TRIM29: variants seen among roughly 807,000 people sequenced by gnomAD.
The protein encoded by TRIM29 is tripartite motif containing 29.
A neutral mutation model predicts 57.3 loss-of-function variants in TRIM29; 52 were observed. The observed-to-expected ratio is 0.91, with a 90% CI of 0.73 to 1.14. TRIM29 has a LOEUF of 1.14. TRIM29 is among the 50% of genes most tolerant of loss of function. TRIM29 has a pLI of 0.00. For synonymous variants in TRIM29, 319 were observed against 316.9 expected, an observed-to-expected ratio of 1.01 and a Z score of -0.07; for missense variants, 753 against 774.6, an observed-to-expected ratio of 0.97 and a Z score of 0.33.
Position 120,127,451 on chromosome 11 carries a change from A to T in TRIM29, c.1019T>A (p.Val340Glu). 6.2e-7 allele frequency: 1 copy of T among 1,614,206 alleles called. No homozygotes were observed. Among genetic ancestry groups the T allele is most frequent in the Non-Finnish European group, 8.5e-7 (1 of 1,180,042 alleles). ...AALEQREQDAVDQVKVIMDAL... is the reference protein window; with the variant it reads ...AALEQREQDAEDQVKVIMDAL... ...ATCCATGATCACCTTCACTTGGTCCACAGCATCCTGCTCCCGCTGCTCCAG... is the reference window on the plus strand; with the variant it reads ...ATCCATGATCACCTTCACTTGGTCCTCAGCATCCTGCTCCCGCTGCTCCAG... Residue 340 changes from valine (V) to glutamate (E), a missense_variant, in exon 3 of 9, where the codon GTG becomes GAG. Physicochemically the swap from Val to Glu is moderately radical, Grantham distance 121. Transcript: ENST00000341846.
chr11:120,118,090 G>A lies in TRIM29; in HGVS notation c.1627+133C>T, dbSNP rs899051698. On this transcript the variant is annotated intron_variant, in intron 7 of 8. Transcript: ENST00000341846. ...AGCAAAGACCATGGCGGTAGCTCCC[G>A]GGCTCTCAGGCCAGGCCTCTCTCCT... The A allele has an allele frequency of 1.7e-5, 14 of 814,676 alleles. 1 individual carries two copies. The highest frequency in any genetic ancestry group is 1.4e-4 in the African/African-American group (8 of 58,590). 50.5% of individuals were successfully genotyped at this position (814,676 alleles called of 1,614,324 possible).
chr11:120,124,637 G>C (rs1390908092), intron 4 of TRIM29: 1 of 152,176 alleles, frequency 6.6e-6, no homozygotes. Flanking sequence ...ATCACCATTA[G>C]CATCATCACT....
In TRIM29 at chr11:120,136,145, A is replaced by T. The variant is rs1167346438; in HGVS notation, c.804+1083T>A. Among the ~76,000 whole-genome samples, 3 of 152,214 alleles carry T rather than the reference A, an allele frequency of 2.0e-5. No homozygotes were observed. The East Asian group carries it at 5.8e-4, about 29-fold the overall frequency. ...CAAACATCCACAAAGGCACAAAAAC[A>T]CCCACGTGCACATAAAATAAACACA... On this transcript the variant is annotated intron_variant, in intron 1 of 8. Coordinates refer to ENST00000341846, the MANE Select transcript of TRIM29 (RefSeq NM_012101.4).
At chr11:120,125,555 G>T in intron 4 of TRIM29, 136 bp downstream of exon 4, 1 of 904,398 alleles carries the variant, frequency 1.1e-6, no homozygotes, top group South Asian at 1.6e-5. Context: ...AGTCCAAACG[G>T]CCTGAGGAAG....
Position 120,112,074 on chromosome 11 carries a change from G to T in TRIM29, c.*340C>A. ...GGGAGAGGCAGGCTGATACCATGCG[G>T]GTACTCACTGCTAGCCCCCAGATCC... is the stretch of plus-strand genomic sequence containing the variant. On this transcript the variant is annotated 3_prime_UTR_variant, in exon 9 of 9. Coordinates refer to ENST00000341846, the MANE Select transcript of TRIM29 (RefSeq NM_012101.4). 3.0e-6 allele frequency: 1 copy of T among 328,906 alleles called. No individual in the cohort carries two copies. Among genetic ancestry groups the T allele is most frequent in the South Asian group, 2.7e-5 (1 of 37,332 alleles). The allele number at this position is 328,906 out of a possible 1,614,324, so 20.4% of individuals were successfully genotyped here. A position where few individuals can be genotyped will look rare whatever the true frequency, so the allele number is the denominator to read the frequency against.
intron 1 of TRIM29, among the ~76,000 whole-genome samples, chr11:120,134,555 C>T (rs1415099253): frequency 6.6e-6 from 1 of 152,196 alleles, no homozygotes; most frequent in African/African-American, 2.4e-5. Context: ...AGAGCCAGGC[C>T]GAGACAGCCC....
intron 7 of TRIM29, chr11:120,117,976 T>G: frequency 1.9e-6 from 1 of 532,496 alleles, no homozygotes; most frequent in Non-Finnish European, 3.4e-6. Flanking sequence ...AGAGCTGTTG[T>G]TGCAGCGTGT....
In TRIM29 at chr11:120,112,467, G is replaced by A. The variant is rs756192979; in HGVS notation, c.1714C>T (p.Arg572Trp). Reference sequence around the variant, plus strand: ...TTGCCTTTGTTGACGTAGAATGGCCGGTAGTGAGACTGTGGGGGAAACAAG... The same window carrying A: ...TTGCCTTTGTTGACGTAGAATGGCCAGTAGTGAGACTGTGGGGGAAACAAG... The part of the protein sequence containing the change: ...SGKQTMLSHY[R>W]PFYVNKGNGI... The change falls in exon 9 of 9, where the codon CGG becomes TGG. Residue 572 changes from arginine (R) to tryptophan (W), a missense_variant. By Grantham distance (101) the Arg-to-Trp change is moderately radical. Transcript: ENST00000341846. 28 of 1,613,386 alleles carry A rather than the reference G, an allele frequency of 1.7e-5. No individual in the cohort carries two copies. Among genetic ancestry groups the A allele is most frequent in the African/African-American group, 4.0e-5 (3 of 74,842 alleles).
rs776301841 is a variant in TRIM29, at chr11:120,125,820, C to G, written c.1204G>C (p.Gly402Arg). Reference protein sequence around the residue: ...PLPTYHVLLEGEGLGQSLGNF... With the variant: ...PLPTYHVLLEREGLGQSLGNF... ...CCTAGTGACTGTCCCAGGCCCTCCCCCTCCAGCAGGACATGATAGGTGGGC... is the reference window on the plus strand; with the variant it reads ...CCTAGTGACTGTCCCAGGCCCTCCCGCTCCAGCAGGACATGATAGGTGGGC... Residue 402 changes from glycine (G) to arginine (R), a missense_variant, in exon 4 of 9, where the codon GGG becomes CGG. Coordinates refer to ENST00000341846, the MANE Select transcript of TRIM29 (RefSeq NM_012101.4). 6 of 1,614,050 alleles carry G rather than the reference C, an allele frequency of 3.7e-6. No individual in the cohort carries two copies. The African/African-American group carries it at 4.0e-5, about 11-fold the overall frequency.
intron 7 of TRIM29, chr11:120,117,199 G>A: frequency 4.4e-6 from 1 of 229,288 alleles, no homozygotes; most frequent in South Asian, 4.9e-5. Context: ...GGCCAGGCTT[G>A]AGCAGAGAGC....
At chr11:120,131,290 T>C (rs1423208942) in intron 1 of TRIM29, among the ~76,000 whole-genome samples, 2 of 152,048 alleles carry the variant, frequency 1.3e-5, no homozygotes, top group Non-Finnish European at 1.5e-5. Context: ...CAGAATTCAA[T>C]GGGGATTAGA....
chr11:120,113,571 G>A (rs567496036), intron 8 of TRIM29: 6 of 454,964 alleles, frequency 1.3e-5, no homozygotes, highest in South Asian at 9.3e-5. Context: ...CTGTCTCTCA[G>A]GGAACTGACA....
intron 1 of TRIM29, among the ~76,000 whole-genome samples, chr11:120,132,626 G>A (rs546839526): frequency 6.6e-5 from 10 of 152,306 alleles, no homozygotes; most frequent in Non-Finnish European, 1.5e-4. Context: ...GCACCCACCC[G>A]GATAGGTGTA....
rs138429588 is a variant in TRIM29 at position 120,135,271 on chromosome 11, C to T, written c.804+1957G>A. Among the ~76,000 whole-genome samples the T allele has an allele frequency of 4.6e-4, 70 of 152,146 alleles. 1 individual carries two copies. Among genetic ancestry groups the T allele is most frequent in the Non-Finnish European group, 7.6e-4 (52 of 67,992 alleles). ...AGTCGAGGTGGGAACCTGAATGCTC[C>T]GCCTTCTTGACACTTCTTTACCCCC... is the stretch of plus-strand genomic sequence containing the variant. On this transcript the variant is annotated intron_variant, in intron 1 of 8. Coordinates refer to ENST00000341846, the MANE Select transcript of TRIM29 (RefSeq NM_012101.4).
At chr11:120,117,955 C>A in intron 7 of TRIM29, 3 of 500,084 alleles carry the variant, frequency 6.0e-6, no homozygotes, top group South Asian at 4.2e-5. Context: ...GTCCCCCGGT[C>A]CTGACCACTG....
intron 5 of TRIM29, chr11:120,121,658 C>A (rs1056571875): frequency 4.9e-6 from 1 of 203,076 alleles, no homozygotes; most frequent in East Asian, 1.1e-4. Context: ...GGTACTGAGG[C>A]CTGCCCAAGA....
chr11:120,122,387 C>T (rs1377117730), intron 5 of TRIM29, among the ~76,000 whole-genome samples: 1 of 152,164 alleles, frequency 6.6e-6, no homozygotes, highest in Non-Finnish European at 1.5e-5. Flanking sequence ...CAAGGACAGG[C>T]AGGCACTGGT....
At position 120,137,113 on chromosome 11, in the gene TRIM29, G is replaced by T; in HGVS notation, c.804+115C>A. On this transcript the variant is annotated intron_variant, in intron 1 of 8. Coordinates refer to ENST00000341846, the MANE Select transcript of TRIM29 (RefSeq NM_012101.4). This position sits in a 1 kb window ranked among gnomAD's most constrained non-coding sequence, Gnocchi z 6.2. ...ATAAATGTTTTCTAAAAGAGCCAAG[G>T]ACAGTAGAAACTTAAGCCCCAAACC... is the stretch of plus-strand genomic sequence containing the variant. 1 of 1,132,342 alleles carries T rather than the reference G, an allele frequency of 8.8e-7. No homozygotes were observed. The highest frequency in any genetic ancestry group is 1.3e-6 in the Non-Finnish European group (1 of 796,914). 70.1% of individuals were successfully genotyped at this position (1,132,342 alleles called of 1,614,324 possible).
chr11:120,122,963 T>C lies in TRIM29; in HGVS notation c.1426A>G (p.Thr476Ala). ...DTMKRYSMYL[T>A]PKGGVRTSYQ... ...AGGGGCTCCCTCTTACCTTTGGGTG[T>C]CAGGTACATGGAGTATCTCTTCATG... The change falls in exon 5 of 9, where the codon ACA (threonine) becomes GCA (alanine). Residue 476 changes from threonine to alanine, a missense_variant. Thr to Ala is a moderately conservative substitution (Grantham distance 58, BLOSUM62 0). Transcript: ENST00000341846. 6.2e-7 allele frequency: 1 copy of C among 1,613,914 alleles called. No homozygotes were observed. The highest frequency in any genetic ancestry group is 1.3e-5 in the African/African-American group (1 of 75,028).
Sources: allele counts gnomAD v4.1 joint callset (sites outside exome capture counted in the v4.1 genomes callset), GRCh38; gene constraint gnomAD v4.1.1; non-coding constraint Gnocchi (gnomAD v3.1); transcripts MANE v1.5; gene names NCBI Gene and HGNC (gene_info 2026-07-23, HGNC 2026-07-21).